COL12A1: variants seen among roughly 807,000 people sequenced by gnomAD.
COL12A1 encodes the protein collagen type XII alpha 1 chain, also known as collagen alpha-1(XII) chain.
COL12A1 carries 114 observed loss-of-function variants against 349.7 expected under a neutral mutation model. That is an observed-to-expected ratio of 0.33 (90% CI 0.28 to 0.38). The LOEUF is 0.38. COL12A1 is among the 10% of genes least tolerant of loss of function. The pLI is 1.00. For missense variants in COL12A1, 3,284 were observed against 3,756.9 expected, an observed-to-expected ratio of 0.87 and a Z score of 3.29; for synonymous variants, 1,369 against 1,329.0, an observed-to-expected ratio of 1.03 and a Z score of -0.66.
In COL12A1 at chr6:75,205,999, G is replaced by C. The variant is rs1332263592; in HGVS notation, c.-258C>G. 2.6e-5 allele frequency: 4 copies of C among 152,788 alleles called. No homozygotes were observed. Among genetic ancestry groups the C allele is most frequent in the African/African-American group, 9.6e-5 (4 of 41,488 alleles). 9.5% of individuals were successfully genotyped at this position (152,788 alleles called of 1,614,324 possible). ...GGCAGGAAGACTGGAGATGGCCTGA[G>C]CCTGCAGCTGCCGGCGCGCGGACGC... On this transcript the variant is annotated 5_prime_UTR_variant, in exon 1 of 66. Transcript: ENST00000322507.
rs1167300247 is a variant in COL12A1, at chr6:75,113,702, T to C, written c.7740A>G (p.Ile2580Met). The change falls in exon 50 of 66, where the codon ATA becomes ATG. Residue 2580 changes from isoleucine (I) to methionine (M), a missense_variant. By Grantham distance (10) the Ile-to-Met change is conservative. Coordinates refer to ENST00000322507, the MANE Select transcript of COL12A1 (RefSeq NM_004370.6). ...PNGLPPSYTI[I>M]LLFRLLPETP... is the part of the protein sequence containing the mutation. The stretch of plus-strand genomic sequence containing the variant: ...TTTCTGGGAGAAGTCTGAATAATAA[T>C]ATAATCGTGTATGAAGGAGGGAGTC... 5 of 1,604,672 alleles carry C rather than the reference T, an allele frequency of 3.1e-6. No individual in the cohort carries two copies. Among genetic ancestry groups the C allele is most frequent in the Admixed American group, 3.3e-5 (2 of 59,784 alleles).
chr6:75,159,873 TTTAAAATG>T (rs1216269421), intron 14 of COL12A1, among the ~76,000 whole-genome samples: 1 of 152,154 alleles, frequency 6.6e-6, no homozygotes, highest in Admixed American at 6.5e-5. Flanking sequence ...GATGCCAAGC[TTTAAAATG>T]TTTCAAAATT....
chr6:75,146,055 A>G (rs772564109), intron 24 of COL12A1, 47 bp downstream of exon 24: 1 of 1,528,898 alleles, frequency 6.5e-7, no homozygotes, highest in Non-Finnish European at 8.8e-7. Context: ...CTATAAAGCT[A>G]TAAAGTCTTG....
chr6:75,130,091 A>G lies in COL12A1; in HGVS notation c.6210T>C (p.Tyr2070=). 2 of 1,612,778 alleles carry G rather than the reference A, an allele frequency of 1.2e-6. No homozygotes were observed. The highest frequency in any genetic ancestry group is 2.2e-5 in the East Asian group (1 of 44,872). The change falls in exon 37 of 66, where the codon TAT becomes TAC. Residue 2070 remains tyrosine (Y), a splice_region_variant and synonymous_variant. Coordinates refer to ENST00000322507, the MANE Select transcript of COL12A1 (RefSeq NM_004370.6). ...SPTVGDPIDE[Y]TTVPGRRNNV... ...GCCAATAAATGAGTATCAGACTTACATATTCATCAATTGGATCACCAACAG... is the reference window on the plus strand; with the variant it reads ...GCCAATAAATGAGTATCAGACTTACGTATTCATCAATTGGATCACCAACAG...
chr6:75,113,633 GTC>G lies in COL12A1; in HGVS notation c.7807_7808del (p.Asp2603LeufsTer13), dbSNP rs767687098. ...PFAIWQITDR[D>X]YKPQVGVIAD... Reference sequence around the variant, plus strand: ...CAATCACTCCAACTTGTGGTTTGTAGTCTCTGTCTGTGATTTGCCAAATTGCA... The same window carrying G: ...CAATCACTCCAACTTGTGGTTTGTAGTCTGTCTGTGATTTGCCAAATTGCA... On this transcript the variant is annotated frameshift_variant, in exon 50 of 66. Coordinates refer to ENST00000322507, the MANE Select transcript of COL12A1 (RefSeq NM_004370.6). LOFTEE classifies it high-confidence loss of function. 6.2e-7 allele frequency: 1 copy of G among 1,609,944 alleles called. No individual in the cohort carries two copies. The highest frequency in any genetic ancestry group is 8.5e-7 in the Non-Finnish European group (1 of 1,177,280).
rs112607771 is a variant in COL12A1 at position 75,085,406 on chromosome 6, G to GCGCA, written c.*1140_*1141insTGCG. ...TTACAATTATGGCATGATTTGGAAG[G>GCGCA]CACACACACACACACACAGCAAAAG... On this transcript the variant is annotated 3_prime_UTR_variant, in exon 66 of 66. Coordinates refer to ENST00000322507, the MANE Select transcript of COL12A1 (RefSeq NM_004370.6). 30 of 424,012 alleles carry GCGCA rather than the reference G, an allele frequency of 7.1e-5. No individual in the cohort carries two copies. The highest frequency in any genetic ancestry group is 3.7e-4 in the Middle Eastern group (1 of 2,686). The allele number at this position is 424,012 out of a possible 1,614,324, so 26.3% of individuals were successfully genotyped here. A position where few individuals can be genotyped will look rare whatever the true frequency, so the allele number is the denominator to read the frequency against.
At chr6:75,089,458 G>A (rs1767654536) in intron 63 of COL12A1, among the ~76,000 whole-genome samples, 1 of 152,096 alleles carries the variant, frequency 6.6e-6, no homozygotes, top group Non-Finnish European at 1.5e-5. Context: ...CAGTAATCCT[G>A]AAGAAATTGT....
Position 75,146,142 on chromosome 6 carries a change from T to C in COL12A1, c.4520A>G (p.Tyr1507Cys), listed in dbSNP as rs1767180643. Residue 1507 changes from tyrosine to cysteine, a missense_variant, in exon 24 of 66, where the codon TAC becomes TGC. Physicochemically the swap from Tyr to Cys is radical, Grantham distance 194 (BLOSUM62 -2). Transcript: ENST00000322507. Reference sequence around the variant, plus strand: ...TGGCTCTGTGTCCTTAACAGGTTTGTATGACAAGATGTAGCCAGTAGCTCC... The same window carrying C: ...TGGCTCTGTGTCCTTAACAGGTTTGCATGACAAGATGTAGCCAGTAGCTCC... ...VGGATGYILS[Y>C]KPVKDTEPTR... 6.2e-7 allele frequency: 1 copy of C among 1,612,764 alleles called. No individual in the cohort carries two copies. Among genetic ancestry groups the C allele is most frequent in the Non-Finnish European group, 8.5e-7 (1 of 1,179,496 alleles).
chr6:75,150,464 G>A (rs935823781), intron 21 of COL12A1, among the ~76,000 whole-genome samples: 2 of 152,114 alleles, frequency 1.3e-5, no homozygotes, highest in African/African-American at 4.8e-5. Flanking sequence ...CTGGTAAAAA[G>A]AGGTTATATA....
intron 5 of COL12A1, among the ~76,000 whole-genome samples, chr6:75,190,945 G>A (rs1479288607): frequency 6.6e-6 from 1 of 151,882 alleles, no homozygotes; most frequent in Non-Finnish European, 1.5e-5. Context: ...GATACTTCCA[G>A]ATAAAGAGAC....
intron 63 of COL12A1, among the ~76,000 whole-genome samples, chr6:75,089,477 C>T (rs1005786245): frequency 6.6e-6 from 1 of 152,084 alleles, no homozygotes; most frequent in African/African-American, 2.4e-5. Context: ...GTTATAATAT[C>T]TCATTGAAAA....
Position 75,087,753 on chromosome 6 carries a change from G to A in COL12A1, c.9011-6C>T. On this transcript the variant is annotated splice_polypyrimidine_tract_variant and splice_region_variant and intron_variant, in intron 64 of 65. Coordinates refer to ENST00000322507, the MANE Select transcript of COL12A1 (RefSeq NM_004370.6). ...TCTGGATTCTCCTTGTGGACCTAGTGTGGAGTTAAAACAAATATATTTCCC... is the reference window on the plus strand; with the variant it reads ...TCTGGATTCTCCTTGTGGACCTAGTATGGAGTTAAAACAAATATATTTCCC... The A allele has an allele frequency of 6.2e-7, 1 of 1,603,666 alleles. No homozygotes were observed. The highest frequency in any genetic ancestry group is 2.3e-5 in the East Asian group (1 of 44,358).
chr6:75,149,797 G>T (rs1039600629), intron 21 of COL12A1, among the ~76,000 whole-genome samples: 1 of 151,920 alleles, frequency 6.6e-6, no homozygotes, highest in East Asian at 1.9e-4. Flanking sequence ...TTTACTGTCT[G>T]GGAAACTAGA....
intron 49 of COL12A1, 68 bp from the exon 50 acceptor site, chr6:75,113,812 A>G: frequency 8.0e-7 from 1 of 1,248,296 alleles, no homozygotes; most frequent in Non-Finnish European, 1.1e-6. Context: ...AGAAAGATTG[A>G]TTGCTTTAAC....
intron 10 of COL12A1, among the ~76,000 whole-genome samples, chr6:75,182,287 T>C (rs1769357390): frequency 6.6e-6 from 1 of 151,860 alleles, no homozygotes. Flanking sequence ...GGTGTACATG[T>C]GCCATGGTGG....
intron 36 of COL12A1, 130 bp from the exon 37 acceptor site, chr6:75,130,363 C>T (rs1339385883): frequency 2.2e-6 from 2 of 918,312 alleles, no homozygotes; most frequent in East Asian, 2.6e-5. Flanking sequence ...ATAAAATATA[C>T]ATTTATGGTT....
chr6:75,165,920 G>C, intron 13 of COL12A1, 141 bp from the exon 14 acceptor site: 1 of 761,534 alleles, frequency 1.3e-6, no homozygotes, highest in African/African-American at 1.8e-5. Flanking sequence ...TTCTTTTTGA[G>C]TTGTCCATCC....
chr6:75,140,919 G>A (rs188741943), intron 27 of COL12A1, among the ~76,000 whole-genome samples: 16 of 152,272 alleles, frequency 1.1e-4, no homozygotes, highest in Admixed American at 1.0e-3. Context: ...CACTTAAAAT[G>A]TGGCTAGTCT....
At chr6:75,158,001 T>C (rs1395462040) in intron 14 of COL12A1, among the ~76,000 whole-genome samples, 1 of 152,172 alleles carries the variant, frequency 6.6e-6, no homozygotes, top group Non-Finnish European at 1.5e-5. Flanking sequence ...AACTTAACTG[T>C]ATTCCAGAAT....
Sources: allele counts gnomAD v4.1 joint callset (sites outside exome capture counted in the v4.1 genomes callset), GRCh38; gene constraint gnomAD v4.1.1; transcripts MANE v1.5; gene names NCBI Gene and HGNC (gene_info 2026-07-23, HGNC 2026-07-21).